OCA2: variants seen among roughly 807,000 people sequenced by gnomAD.
OCA2 encodes the protein P protein.
OCA2 carries 77 observed loss-of-function variants against 100.2 expected under a neutral mutation model. The ratio of observed to expected loss-of-function variants is 0.77; its 90% CI spans 0.64 to 0.93. The LOEUF (loss-of-function observed/expected upper bound fraction) is 0.93, where lower values mean the gene tolerates loss of function less well. Among genes scored for constraint, OCA2 ranks in the 40% least tolerant of loss-of-function variants. The pLI, the probability that OCA2 is intolerant of heterozygous loss-of-function variation, is 0.00. For missense variants in OCA2, 1,062 were observed against 1,089.1 expected, an observed-to-expected ratio of 0.98 and a Z score of 0.35; for synonymous variants, 432 against 439.2, an observed-to-expected ratio of 0.98 and a Z score of 0.21.
chr15:27,920,993 T>A (rs564308924), intron 19 of OCA2, among the ~76,000 whole-genome samples: 1 of 142,596 alleles, frequency 7.0e-6, no homozygotes, highest in Non-Finnish European at 1.5e-5. Context: ...AGGAAGAGAA[T>A]AATTTTTTTT....
intron 15 of OCA2, 73 bp downstream of exon 15, chr15:27,966,617 G>A: frequency 6.4e-7 from 1 of 1,566,212 alleles, no homozygotes; most frequent in Non-Finnish European, 8.8e-7. Context: ...TTCCTAATAA[G>A]AACTTCTCCT....
At chr15:27,951,356 C>T (rs1039711591) in intron 18 of OCA2, among the ~76,000 whole-genome samples, 8 of 152,322 alleles carry the variant, frequency 5.3e-5, no homozygotes, top group Admixed American at 3.9e-4. Context: ...ACCGGCCATT[C>T]GCCAGGGCTC....
At chr15:28,068,313 G>C (rs985902168) in intron 2 of OCA2, among the ~76,000 whole-genome samples, 1 of 152,194 alleles carries the variant, frequency 6.6e-6, no homozygotes, top group African/African-American at 2.4e-5. Flanking sequence ...AAGATCTTCA[G>C]AGATGAGTAT....
chr15:27,896,034 A>G, intron 19 of OCA2: 2 of 1,105,282 alleles, frequency 1.8e-6, no homozygotes, highest in South Asian at 2.5e-5. Context: ...TAGGTTTGGC[A>G]TGGAAAAGAT....
intron 14 of OCA2, among the ~76,000 whole-genome samples, chr15:27,973,811 A>T (rs1010216606): frequency 6.6e-6 from 1 of 152,244 alleles, no homozygotes; most frequent in Non-Finnish European, 1.5e-5. Flanking sequence ...CTTCCAATCC[A>T]TAAGTATGGG....
At chr15:27,836,808 A>G (rs1427793958) in intron 23 of OCA2, among the ~76,000 whole-genome samples, 1 of 152,230 alleles carries the variant, frequency 6.6e-6, no homozygotes, top group African/African-American at 2.4e-5. Context: ...ATTGCTTCGA[A>G]TACAGTATTT....
intron 23 of OCA2, among the ~76,000 whole-genome samples, chr15:27,763,733 G>C (rs1351678450): frequency 1.3e-5 from 2 of 152,226 alleles, no homozygotes; most frequent in Non-Finnish European, 2.9e-5. Context: ...GGGCTGGGAG[G>C]AGACTGTGCC....
intron 23 of OCA2, among the ~76,000 whole-genome samples, chr15:27,763,100 C>T (rs1260763560): frequency 6.6e-6 from 1 of 152,182 alleles, no homozygotes; most frequent in Non-Finnish European, 1.5e-5. Flanking sequence ...TCAACCTCAA[C>T]CTCACACTTT....
chr15:27,750,000 G>C (rs536664354), downstream of OCA2, among the ~76,000 whole-genome samples: 1 of 152,220 alleles, frequency 6.6e-6, no homozygotes, highest in South Asian at 2.1e-4. Context: ...AAATTTATTT[G>C]CAAGCATAGG....
intron 19 of OCA2, among the ~76,000 whole-genome samples, chr15:27,891,681 G>A (rs912852762): frequency 6.6e-6 from 1 of 152,092 alleles, no homozygotes; most frequent in African/African-American, 2.4e-5. Context: ...GGAAGTTTAT[G>A]GGAATTTTTT....
chr15:27,833,154 T>C (rs1300703069), intron 23 of OCA2, among the ~76,000 whole-genome samples: 1 of 152,230 alleles, frequency 6.6e-6, no homozygotes, highest in African/African-American at 2.4e-5. Flanking sequence ...TACAACCTTG[T>C]AAAGAAATGT....
chr15:28,017,232 A>G (rs2042426209), intron 7 of OCA2, among the ~76,000 whole-genome samples: 1 of 152,164 alleles, frequency 6.6e-6, no homozygotes, highest in South Asian at 2.1e-4. Flanking sequence ...TCTGGGGGGA[A>G]AAATCCTTTA....
intron 23 of OCA2, among the ~76,000 whole-genome samples, chr15:27,758,232 G>C (rs1052703007): frequency 6.6e-6 from 1 of 152,038 alleles, no homozygotes; most frequent in Non-Finnish European, 1.5e-5. Context: ...GTACTAGAAA[G>C]AAAACAAAAA....
chr15:28,048,513 C>T (rs1280878533), intron 2 of OCA2, among the ~76,000 whole-genome samples: 2 of 151,878 alleles, frequency 1.3e-5, no homozygotes, highest in African/African-American at 2.4e-5. Flanking sequence ...AAGTTAGACC[C>T]CTACCTCACA....
chr15:28,017,162 A>C (rs1030864519), intron 7 of OCA2, among the ~76,000 whole-genome samples: 1 of 152,136 alleles, frequency 6.6e-6, no homozygotes, highest in Non-Finnish European at 1.5e-5. Context: ...CAAAGCAAAG[A>C]AGCACACGCA....
At chr15:27,732,681 T>C in the OCA2 span, among the ~76,000 whole-genome samples, 3 of 151,986 alleles carry the variant, frequency 2.0e-5, no homozygotes, top group African/African-American at 7.3e-5. Context: ...CCAGCAGACA[T>C]CTCCAAGGTG....
chr15:27,805,724 G>A (rs1313585629), intron 23 of OCA2, among the ~76,000 whole-genome samples: 3 of 152,164 alleles, frequency 2.0e-5, no homozygotes. Context: ...GGTGCCGAGT[G>A]CCAGAGGTGC....
intron 6 of OCA2, among the ~76,000 whole-genome samples, chr15:28,019,375 G>A (rs1263368454): frequency 6.6e-6 from 1 of 152,044 alleles, no homozygotes; most frequent in South Asian, 2.1e-4. Context: ...TGACCTGGTT[G>A]TAGAGGTTTG....
intron 9 of OCA2, among the ~76,000 whole-genome samples, chr15:28,005,596 G>A (rs2042068670): frequency 6.6e-6 from 1 of 152,052 alleles, no homozygotes; most frequent in African/African-American, 2.4e-5. Context: ...GGTGAATCAA[G>A]CCCTCGCATC....
Sources: allele counts gnomAD v4.1 joint callset (sites outside exome capture counted in the v4.1 genomes callset), GRCh38; gene constraint gnomAD v4.1.1; transcripts MANE v1.5; gene names NCBI Gene and HGNC (gene_info 2026-07-23, HGNC 2026-07-21).